PGGHG: variants seen among roughly 807,000 people sequenced by gnomAD.
The protein encoded by PGGHG is protein-glucosylgalactosylhydroxylysine glucosidase, also known as ATH1, acid trehalase-like 1.
A neutral mutation model predicts 74.5 loss-of-function variants in PGGHG; 67 were observed. The observed-to-expected ratio is 0.90, with a 90% CI of 0.74 to 1.10. PGGHG has a LOEUF of 1.10. Among genes scored for constraint, PGGHG ranks in the 50% least tolerant of loss-of-function variants. The probability of loss-of-function intolerance (pLI) is 0.00; values close to 1 mark genes in which losing one functional copy is unlikely to be tolerated. For synonymous variants in PGGHG, 496 were observed against 419.9 expected (o/e 1.18, Z -2.21); for missense variants, 1,034 against 981.5 (o/e 1.05, Z -0.72).
Position 291,120 on chromosome 11 carries a change from A to C in PGGHG, c.906+7A>C. 6.4e-7 allele frequency: 1 copy of C among 1,561,740 alleles called. No homozygotes were observed. The highest frequency in any genetic ancestry group is 1.2e-5 in the South Asian group (1 of 83,820). ...CCACGTCTTCTGGGACCAGGTGAGC[A>C]CTGTACACCCAGCACCAGCCACACA... On this transcript the variant is annotated splice_region_variant and intron_variant, in intron 4 of 13. Coordinates refer to ENST00000409548, the MANE Select transcript of PGGHG (RefSeq NM_025092.5).
In PGGHG at chr11:294,271, AC is replaced by A. The variant is rs1845811850; in HGVS notation, c.1816del (p.Arg606GlufsTer4). On this transcript the variant is annotated frameshift_variant, in exon 13 of 14. Coordinates refer to ENST00000409548, the MANE Select transcript of PGGHG (RefSeq NM_025092.5). LOFTEE classifies it high-confidence loss of function. ...VVFGCTGFRVTRAGVTFDPVC... is the reference protein window; with the variant it reads ...VVFGCTGFRVXRAGVTFDPVC... ...CACAAGCCTCTCCTCCCACAGGGTC[AC>A]CCGAGCGGGTGTGACCTTTGACCCT... 1 of 1,602,576 alleles carries A rather than the reference AC, an allele frequency of 6.2e-7. No individual in the cohort carries two copies. The highest frequency in any genetic ancestry group is 1.1e-5 in the South Asian group (1 of 89,482).
chr11:294,079 A>G lies in PGGHG; in HGVS notation c.1711-20A>G. ...ACGGTGACCTGGGGGTCCTGGTGTC[A>G]GCTGCCCTTGCCCCTGCAGGTGTGG... On this transcript the variant is annotated intron_variant, in intron 11 of 13. Coordinates refer to ENST00000409548, the MANE Select transcript of PGGHG (RefSeq NM_025092.5). 2 of 1,591,522 alleles carry G rather than the reference A, an allele frequency of 1.3e-6. No homozygotes were observed. Among genetic ancestry groups the G allele is most frequent in the South Asian group, 2.3e-5 (2 of 88,124 alleles).
At chr11:291,631 C>T in intron 4 of PGGHG, 1 of 298,370 alleles carries the variant, frequency 3.4e-6, no homozygotes, top group Non-Finnish European at 6.4e-6. Context: ...GTCTGAGCCT[C>T]CCGGTGCTGC....
rs905664718 is a variant in PGGHG at position 294,494 on chromosome 11, A to G, written c.2020+16A>G. The G allele has an allele frequency of 1.8e-5, 7 of 388,752 alleles. No individual in the cohort carries two copies. Among genetic ancestry groups the G allele is most frequent in the Non-Finnish European group, 2.1e-5 (6 of 282,338 alleles). The allele number at this position is 388,752 out of a possible 1,614,324, so 24.1% of individuals were successfully genotyped here. On this transcript the variant is annotated intron_variant, in intron 13 of 13. Transcript: ENST00000409548. The stretch of plus-strand genomic sequence containing the variant: ...CTGTTGCCAGGTAGAACAGCCCCCA[A>G]CAGCCCAGGTGCCTGCGACCCCAGG...
Position 295,532 on chromosome 11 carries a change from T to C in PGGHG, c.*783T>C, listed in dbSNP as rs1268749161. 2.6e-5 allele frequency: 4 copies of C among 152,300 alleles called. No homozygotes were observed. The highest frequency in any genetic ancestry group is 7.2e-5 in the African/African-American group (3 of 41,466). 9.4% of individuals were successfully genotyped at this position (152,300 alleles called of 1,614,324 possible). ...GCCCTGGCCCTGCCCAGCCTTTGTCTTGGGAGCTCAGCCCCAGGGTTCGGT... is the reference window on the plus strand; with the variant it reads ...GCCCTGGCCCTGCCCAGCCTTTGTCCTGGGAGCTCAGCCCCAGGGTTCGGT... On this transcript the variant is annotated 3_prime_UTR_variant, in exon 14 of 14. Coordinates refer to ENST00000409548, the MANE Select transcript of PGGHG (RefSeq NM_025092.5).
rs1845647315 is a variant in PGGHG at position 289,345 on chromosome 11, C to A, written c.-14+106C>A. The A allele has an allele frequency of 7.2e-6, 1 of 138,952 alleles. No individual in the cohort carries two copies. Among genetic ancestry groups the A allele is most frequent in the African/African-American group, 2.7e-5 (1 of 37,172 alleles). 8.6% of individuals were successfully genotyped at this position (138,952 alleles called of 1,614,324 possible). ...CCCCCACCCGCGCCTGCCCCAGCCG[C>A]CTACACCCCCGAGACCCCCACCCGC... is the stretch of plus-strand genomic sequence containing the variant. On this transcript the variant is annotated intron_variant, in intron 1 of 13. Coordinates refer to ENST00000409548, the MANE Select transcript of PGGHG (RefSeq NM_025092.5). This position sits in a 1 kb window ranked among gnomAD's most constrained non-coding sequence, Gnocchi z 5.6.
In PGGHG at chr11:289,943, A is replaced by G. The variant is rs1564838678; in HGVS notation, c.127A>G (p.Ser43Gly). 6.4e-7 allele frequency: 1 copy of G among 1,550,676 alleles called. No homozygotes were observed. Among genetic ancestry groups the G allele is most frequent in the Non-Finnish European group, 8.7e-7 (1 of 1,146,890 alleles). Reference protein sequence around the residue: ...TRVFHDTLHVSGVYNGAGGDT... With the variant: ...TRVFHDTLHVGGVYNGAGGDT... Reference sequence around the variant, plus strand: ...AGTGTTTCACGACACGCTGCACGTGAGCGGCGTGTACAATGGGGCTGGCGG... The same window carrying G: ...AGTGTTTCACGACACGCTGCACGTGGGCGGCGTGTACAATGGGGCTGGCGG... Residue 43 changes from serine (S) to glycine (G), a missense_variant, in exon 2 of 14, where the codon AGC becomes GGC. Transcript: ENST00000409548. The surrounding 1 kb of genome is among the most constrained non-coding windows in gnomAD (Gnocchi z 5.6).
Position 290,859 on chromosome 11 carries a change from GC to G in PGGHG, c.655del (p.Leu219CysfsTer22). The G allele has an allele frequency of 6.2e-7, 1 of 1,612,028 alleles. No homozygotes were observed. The highest frequency in any genetic ancestry group is 8.5e-7 in the Non-Finnish European group (1 of 1,179,554). ...QAEAQACLTE[A>X]LQLQARGALY... ...TGAGGCTCAGGCCTGCCTCACTGAGGCCCTGCAGCTGCAGGCCAGGGGAGCT... is the reference window on the plus strand; with the variant it reads ...TGAGGCTCAGGCCTGCCTCACTGAGGCCTGCAGCTGCAGGCCAGGGGAGCT... On this transcript the variant is annotated frameshift_variant, in exon 4 of 14. Transcript: ENST00000409548. LOFTEE classifies it high-confidence loss of function.
rs1170298657 is a variant in PGGHG, at chr11:290,504, C to T, written c.374C>T (p.Pro125Leu). 1.2e-5 allele frequency: 18 copies of T among 1,550,282 alleles called. No individual in the cohort carries two copies. Among genetic ancestry groups the T allele is most frequent in the Admixed American group, 3.9e-5 (2 of 50,990 alleles). The change falls in exon 3 of 14, where the codon CCG becomes CTG. Residue 125 changes from proline to leucine, a missense_variant. Physicochemically the swap from Pro to Leu is moderately conservative, Grantham distance 98. Coordinates refer to ENST00000409548, the MANE Select transcript of PGGHG (RefSeq NM_025092.5). ...AFRVSIARLA[P>L]GSGPITLLLR... ...CGAGTGTCCATCGCCCGCCTGGCCCCGGGGAGCGGGCCCATCACGCTGCTC... is the reference window on the plus strand; with the variant it reads ...CGAGTGTCCATCGCCCGCCTGGCCCTGGGGAGCGGGCCCATCACGCTGCTC...
At chr11:294,235 A>T in intron 12 of PGGHG, 32 bp from the exon 13 acceptor site, 1 of 1,589,184 alleles carries the variant, frequency 6.3e-7, no homozygotes, top group East Asian at 2.2e-5. Context: ...CCATGCCCCC[A>T]CCTGCCACCT....
In PGGHG at chr11:292,024, A is replaced by T. The variant is rs1395579791; in HGVS notation, c.955A>T (p.Arg319Trp). 6.2e-6 allele frequency: 10 copies of T among 1,608,284 alleles called. No homozygotes were observed. The highest frequency in any genetic ancestry group is 8.5e-6 in the Non-Finnish European group (10 of 1,177,866). ...SILMFHPEAA[R>W]AILEYRIRTL... ...CCTGATGTTCCACCCAGAAGCCGCC[A>T]GGGCCATCCTGGAGTACCGCATCCG... Residue 319 changes from arginine (R) to tryptophan (W), a missense_variant, in exon 5 of 14, where the codon AGG becomes TGG. Transcript: ENST00000409548.
At chr11:293,135 G>A (rs756264753) in intron 7 of PGGHG, 28 bp from the exon 8 acceptor site, 1 of 1,613,930 alleles carries the variant, frequency 6.2e-7, no homozygotes, top group Admixed American at 1.7e-5. Flanking sequence ...ACTCTGCACT[G>A]AGCACCATCT....
Position 292,042 on chromosome 11 carries a change from C to T in PGGHG, c.973C>T (p.Arg325Cys), listed in dbSNP as rs368861902. 86 of 1,599,182 alleles carry T rather than the reference C, an allele frequency of 5.4e-5. No homozygotes were observed. Among genetic ancestry groups the T allele is most frequent in the African/African-American group, 3.3e-4 (25 of 74,746 alleles). ...PEAARAILEY[R>C]IRTLDGALEN... ...AGCCGCCAGGGCCATCCTGGAGTACCGCATCCGCACGCTGGACGGGGCCCT... is the reference window on the plus strand; with the variant it reads ...AGCCGCCAGGGCCATCCTGGAGTACTGCATCCGCACGCTGGACGGGGCCCT... Residue 325 changes from arginine (R) to cysteine (C), a missense_variant, in exon 5 of 14, where the codon CGC (arginine) becomes TGC (cysteine). Arg to Cys is a radical substitution (Grantham distance 180). Coordinates refer to ENST00000409548, the MANE Select transcript of PGGHG (RefSeq NM_025092.5).
rs147026005 is a variant in PGGHG, at chr11:294,386, T to G, written c.1928T>G (p.Val643Gly). The G allele has an allele frequency of 6.8e-6, 11 of 1,613,106 alleles. No homozygotes were observed. The South Asian group carries it at 1.2e-4, about 18-fold the overall frequency. Residue 643 changes from valine (V) to glycine (G), a missense_variant, in exon 13 of 14, where the codon GTG becomes GGG. Transcript: ENST00000409548. ...AACTTCTCTTTTTCCGAGGACTCCG[T>G]GACCGTGGAGGTCACAGCTCGAGCA... ...KLNFSFSEDS[V>G]TVEVTARAGP...
intron 11 of PGGHG, 39 bp downstream of exon 11, chr11:293,964 T>G: frequency 6.3e-7 from 1 of 1,599,736 alleles, no homozygotes; most frequent in Non-Finnish European, 8.5e-7. Flanking sequence ...GGGCCCCTTG[T>G]GGTGGGAGTG....
rs773728984 is a variant in PGGHG at position 290,546 on chromosome 11, C to G, written c.416C>G (p.Ser139Cys). 2.0e-5 allele frequency: 31 copies of G among 1,550,828 alleles called. No homozygotes were observed. Among genetic ancestry groups the G allele is most frequent in the African/African-American group, 2.7e-5 (2 of 73,076 alleles). Residue 139 changes from serine (S) to cysteine (C), a missense_variant, in exon 3 of 14, where the codon TCC becomes TGC. Ser to Cys is a moderately radical substitution (Grantham distance 112). Coordinates refer to ENST00000409548, the MANE Select transcript of PGGHG (RefSeq NM_025092.5). ...ACGCTGCTCCTGCGGTCAGCCTTCT[C>G]CCCAGAAAGCCCAGACCTGGACCTG... ...PITLLLRSAF[S>C]PESPDLDLHQ...
At position 289,252 on chromosome 11, in the gene PGGHG, G is replaced by C. The variant is rs1845643685; in HGVS notation, c.-14+13G>C. The C allele has an allele frequency of 6.7e-6, 1 of 150,318 alleles. No individual in the cohort carries two copies. Among genetic ancestry groups the C allele is most frequent in the East Asian group, 2.0e-4 (1 of 5,032 alleles). The allele number at this position is 150,318 out of a possible 1,614,324, so 9.3% of individuals were successfully genotyped here. ...GGGTGGGGCTGCGGTGAGTCCCAGA[G>C]GCCCCCGCCCCGCAGCTCCCGGCCG... On this transcript the variant is annotated intron_variant, in intron 1 of 13. Transcript: ENST00000409548. This position sits in a 1 kb window ranked among gnomAD's most constrained non-coding sequence, Gnocchi z 5.6.
chr11:294,580 C>G lies in PGGHG; in HGVS notation c.2045C>G (p.Ser682Trp), dbSNP rs774298540. Residue 682 changes from serine to tryptophan, a missense_variant, in exon 14 of 14, where the codon TCG (serine) becomes TGG (tryptophan). Ser to Trp is a radical substitution (Grantham distance 177). Transcript: ENST00000409548. ...LPGHKVSFPRSAGRIQMSPPK... is the reference protein window; with the variant it reads ...LPGHKVSFPRWAGRIQMSPPK... The stretch of plus-strand genomic sequence containing the variant: ...GGACACAAGGTCTCCTTTCCCCGCT[C>G]GGCTGGCCGGATACAAATGTCACCC... 2 of 1,248,606 alleles carry G rather than the reference C, an allele frequency of 1.6e-6. No individual in the cohort carries two copies. The highest frequency in any genetic ancestry group is 3.1e-5 in the South Asian group (2 of 65,124). 77.3% of individuals were successfully genotyped at this position (1,248,606 alleles called of 1,614,324 possible). A position where few individuals can be genotyped will look rare whatever the true frequency, so the allele number is the denominator to read the frequency against.
At position 293,501 on chromosome 11, in the gene PGGHG, T is replaced by A. The variant is rs772705774; in HGVS notation, c.1479T>A (p.Pro493=). Residue 493 remains proline, a splice_region_variant and synonymous_variant, in exon 9 of 14, where the codon CCT becomes CCA. Coordinates refer to ENST00000409548, the MANE Select transcript of PGGHG (RefSeq NM_025092.5). The stretch of plus-strand genomic sequence containing the variant: ...ACCCGGAGTTCGATGGGTATGAGCC[T>A]GGTGAGTGGACCCCTTCAAGGGCTC... ...NFHPEFDGYE[P]GEVVKQADVV... 32 of 1,611,356 alleles carry A rather than the reference T, an allele frequency of 2.0e-5. No homozygotes were observed. The highest frequency in any genetic ancestry group is 2.5e-5 in the Non-Finnish European group (30 of 1,179,918).
Sources: gnomAD v4.1 joint callset for allele counts on GRCh38, gnomAD v4.1.1 for gene constraint, Gnocchi (gnomAD v3.1) non-coding constraint, MANE v1.5 for transcripts, NCBI Gene and HGNC (gene_info 2026-07-23, HGNC 2026-07-21) for gene names.